CASP4: variants seen among roughly 807,000 people sequenced by gnomAD.
CASP4 encodes caspase-4.
CASP4 carries 29 observed loss-of-function variants against 41.3 expected under a neutral mutation model. The ratio of observed to expected loss-of-function variants is 0.70; its 90% CI spans 0.52 to 0.96. The LOEUF (loss-of-function observed/expected upper bound fraction) is 0.96, where lower values mean the gene tolerates loss of function less well. Ranked by LOEUF, CASP4 falls within the 40% of genes least tolerant of loss-of-function variation. The probability of loss-of-function intolerance (pLI) is 0.00; values close to 1 mark genes in which losing one functional copy is unlikely to be tolerated. For missense variants in CASP4, 447 were observed against 460.6 expected, an observed-to-expected ratio of 0.97 and a Z score of 0.27; for synonymous variants, 185 against 158.4, an observed-to-expected ratio of 1.17 and a Z score of -1.26.
chr11:104,957,656 A>T (rs1860766220), intron 1 of CASP4, among the ~76,000 whole-genome samples: 1 of 152,190 alleles, frequency 6.6e-6, no homozygotes, highest in South Asian at 2.1e-4. Context: ...GTAGAAATGT[A>T]TTTTGAGTTG....
rs749948063 is a variant in CASP4 at position 104,951,123 on chromosome 11, A to G, written c.373-25T>C. On this transcript the variant is annotated intron_variant, in intron 3 of 8. Transcript: ENST00000444739. Reference sequence around the variant, plus strand: ...TCTGCAGGATATGGAGATGCAATAAATTTAATTTACTCAAGTCTCCTTTCA... The same window carrying G: ...TCTGCAGGATATGGAGATGCAATAAGTTTAATTTACTCAAGTCTCCTTTCA... 3 of 1,601,436 alleles carry G rather than the reference A, an allele frequency of 1.9e-6. No homozygotes were observed. In the South Asian group the frequency reaches 3.4e-5, roughly 18 times the overall value.
chr11:104,957,251 C>A (rs1018985182), intron 1 of CASP4, among the ~76,000 whole-genome samples: 1 of 152,072 alleles, frequency 6.6e-6, no homozygotes, highest in Non-Finnish European at 1.5e-5. Flanking sequence ...TGTAGTGTTT[C>A]TGTATAACAA....
intron 3 of CASP4, chr11:104,951,583 A>G (rs1440448163): frequency 5.0e-6 from 2 of 397,356 alleles, no homozygotes; most frequent in Non-Finnish European, 9.5e-6. Flanking sequence ...AGTCAGCTAT[A>G]TTATCCTCCA....
At chr11:104,961,113 G>A (rs567147012) in intron 1 of CASP4, among the ~76,000 whole-genome samples, 5 of 152,258 alleles carry the variant, frequency 3.3e-5, no homozygotes, top group Admixed American at 6.5e-5. Flanking sequence ...CCGCTCCAGC[G>A]ATGGATCCAG....
chr11:104,952,330 G>A (rs1456611137), intron 2 of CASP4, among the ~76,000 whole-genome samples: 2 of 152,052 alleles, frequency 1.3e-5, no homozygotes, highest in African/African-American at 2.4e-5. Flanking sequence ...TCATTTATCT[G>A]TGTGGACTTT....
intron 1 of CASP4, chr11:104,956,712 A>G: frequency 1.1e-6 from 1 of 877,660 alleles, no homozygotes; most frequent in Non-Finnish European, 1.4e-6. Context: ...AGAGGTAGCA[A>G]AAATGTTAGT....
At chr11:104,956,177 A>G (rs1213596345) in intron 1 of CASP4, among the ~76,000 whole-genome samples, 1 of 152,134 alleles carries the variant, frequency 6.6e-6, no homozygotes. Context: ...TCATTTACAT[A>G]TCACTGTACC....
chr11:104,949,844 C>T, intron 4 of CASP4, 67 bp from the exon 5 acceptor site: 2 of 1,469,782 alleles, frequency 1.4e-6, no homozygotes, highest in East Asian at 2.3e-5. Flanking sequence ...CCTAGATTTA[C>T]CATGAGCGAA....
chr11:104,956,664 G>A, intron 1 of CASP4: 1 of 984,790 alleles, frequency 1.0e-6, no homozygotes, highest in Non-Finnish European at 1.2e-6. Context: ...GAAAACATTA[G>A]TGCATTCCAA....
chr11:104,963,777 G>A (rs1860913629), intron 1 of CASP4, among the ~76,000 whole-genome samples: 1 of 152,174 alleles, frequency 6.6e-6, no homozygotes, highest in African/African-American at 2.4e-5. Context: ...TAGAAGCACT[G>A]CACTCTCTTC....
intron 4 of CASP4, 100 bp downstream of exon 4, chr11:104,950,825 C>CT: frequency 9.0e-7 from 1 of 1,116,182 alleles, no homozygotes; most frequent in Non-Finnish European, 1.3e-6. Flanking sequence ...CACACACACC[C>CT]AAAGGTTGTT....
chr11:104,962,402 A>G (rs1860880583), intron 1 of CASP4, among the ~76,000 whole-genome samples: 1 of 152,208 alleles, frequency 6.6e-6, no homozygotes, highest in African/African-American at 2.4e-5. Context: ...GATTAATAGA[A>G]AAAAGAATTT....
Position 104,945,755 on chromosome 11 carries a change from C to A in CASP4, c.1036-904G>T, listed in dbSNP as rs140182926. 7.0e-4 allele frequency among the ~76,000 whole-genome samples: 106 copies of A among 152,302 alleles called. 2 individuals are homozygous for A. The highest frequency in any genetic ancestry group is 2.5e-3 in the African/African-American group (102 of 41,576). On this transcript the variant is annotated intron_variant, in intron 7 of 8. Transcript: ENST00000444739. ...ATCCAAGAAGATTTAAAAGATTTAA[C>A]TTCCCAGATCTCTATTCACAGGAGC...
chr11:104,968,535 C>G lies in CASP4; in HGVS notation c.-10G>C, dbSNP rs1861025907. 1.2e-6 allele frequency: 2 copies of G among 1,613,070 alleles called. No homozygotes were observed. The highest frequency in any genetic ancestry group is 1.7e-6 in the Non-Finnish European group (2 of 1,179,210). On this transcript the variant is annotated 5_prime_UTR_variant, in exon 1 of 9. Coordinates refer to ENST00000444739, the MANE Select transcript of CASP4 (RefSeq NM_001225.4). ...AGGACTCACCTGCCATAGGGAACAG[C>G]CTCTGTCCTTTTTTACAGCGTTGGA...
chr11:104,945,087 A>T (rs1860423534), intron 7 of CASP4, among the ~76,000 whole-genome samples: 2 of 152,282 alleles, frequency 1.3e-5, no homozygotes, highest in South Asian at 4.1e-4. Flanking sequence ...AAGGTCTTTC[A>T]ACATTCATTT....
intron 1 of CASP4, among the ~76,000 whole-genome samples, chr11:104,958,060 T>A (rs1860774630): frequency 1.3e-5 from 2 of 152,106 alleles, no homozygotes; most frequent in African/African-American, 2.4e-5. Flanking sequence ...AATTCTTCAA[T>A]AAATGATATT....
chr11:104,954,152 AAC>A (rs1449192694), intron 2 of CASP4, among the ~76,000 whole-genome samples: 4 of 152,152 alleles, frequency 2.6e-5, no homozygotes, highest in Non-Finnish European at 5.9e-5. Context: ...ATAAAAATGC[AAC>A]AGTTTTGTTC....
chr11:104,949,548 C>CTG lies in CASP4; in HGVS notation c.774_775dup (p.Arg259ThrfsTer29). 1.2e-6 allele frequency: 2 copies of CTG among 1,613,872 alleles called. No individual in the cohort carries two copies. The highest frequency in any genetic ancestry group is 2.2e-5 in the South Asian group (2 of 91,084). On this transcript the variant is annotated frameshift_variant, in exon 5 of 9. Coordinates refer to ENST00000444739, the MANE Select transcript of CASP4 (RefSeq NM_001225.4). LOFTEE classifies it high-confidence loss of function. ...TGTTCAGTCTCAGCACTCACCACCT[C>CTG]TGCAGGCCTGGACAATGATGACCTT...
chr11:104,953,020 A>G (rs1860652617), intron 2 of CASP4, among the ~76,000 whole-genome samples: 1 of 152,194 alleles, frequency 6.6e-6, no homozygotes, highest in Non-Finnish European at 1.5e-5. Flanking sequence ...AGAACTTCAT[A>G]ACTTAGTCAT....
Sources: gnomAD v4.1 joint callset for allele counts (sites outside exome capture counted in the v4.1 genomes callset) on GRCh38, gnomAD v4.1.1 for gene constraint, MANE v1.5 for transcripts, NCBI Gene and HGNC (gene_info 2026-07-23, HGNC 2026-07-21) for gene names.